IQSEC1: variants seen among roughly 807,000 people sequenced by gnomAD.
The protein encoded by IQSEC1 is IQ motif and SEC7 domain-containing protein 1.
Under a neutral mutation model 91.0 loss-of-function variants are expected in IQSEC1, and 31 were observed. That is an observed-to-expected ratio of 0.34 (90% CI 0.26 to 0.46). The LOEUF is 0.46. Among genes scored for constraint, IQSEC1 ranks in the 20% least tolerant of loss-of-function variants. The pLI is 1.00. For missense variants in IQSEC1, 1,388 were observed against 1,575.6 expected, an observed-to-expected ratio of 0.88 and a Z score of 2.02; for synonymous variants, 699 against 662.6, an observed-to-expected ratio of 1.05 and a Z score of -0.84.
At chr3:13,124,933 C>G (rs995031499) in intron 2 of IQSEC1, among the ~76,000 whole-genome samples, 17 of 152,206 alleles carry the variant, frequency 1.1e-4, no homozygotes, top group African/African-American at 3.9e-4. Context: ...TGCCACCATC[C>G]TGGCCTGGCC....
rs746154222 is a variant in IQSEC1, at chr3:12,920,608, G to A, written c.1854-12C>T. The A allele has an allele frequency of 2.5e-6, 4 of 1,613,408 alleles. No homozygotes were observed. Among genetic ancestry groups the A allele is most frequent in the Non-Finnish European group, 2.5e-6 (3 of 1,179,756 alleles). ...TGCAGTAGCGCTGGCTGCGGGCCGG[G>A]AGGGAGGGGGTCAGGGCCATGGCGC... On this transcript the variant is annotated splice_polypyrimidine_tract_variant and intron_variant, in intron 5 of 13. Coordinates refer to ENST00000613206, the MANE Select transcript of IQSEC1 (RefSeq NM_001134382.3).
chr3:12,923,846 A>T (rs1055554245), intron 4 of IQSEC1, among the ~76,000 whole-genome samples: 1 of 152,214 alleles, frequency 6.6e-6, no homozygotes, highest in South Asian at 2.1e-4. Context: ...CTGCCCCTGG[A>T]TGGCCAGCAC....
rs1693807705 is a variant in IQSEC1, at chr3:12,897,897, T to C, written c.*3086A>G. 1 of 152,260 alleles carries C rather than the reference T, an allele frequency of 6.6e-6. No individual in the cohort carries two copies. The highest frequency in any genetic ancestry group is 1.5e-5 in the Non-Finnish European group (1 of 68,040). 9.4% of individuals were successfully genotyped at this position (152,260 alleles called of 1,614,324 possible). On this transcript the variant is annotated 3_prime_UTR_variant, in exon 14 of 14. Coordinates refer to ENST00000613206, the MANE Select transcript of IQSEC1 (RefSeq NM_001134382.3). ...TGTGCACAGCATATTAGGATGAACT[T>C]TATTTTTACATTGTTGTACAATTCA...
upstream of IQSEC1, among the ~76,000 whole-genome samples, chr3:13,075,963 C>A (rs905315162): frequency 6.6e-6 from 1 of 152,212 alleles, no homozygotes; most frequent in African/African-American, 2.4e-5. Flanking sequence ...TGACCCCAAG[C>A]CCTCGACATC....
At chr3:13,204,285 G>A (rs1351042348) in intron 1 of IQSEC1, among the ~76,000 whole-genome samples, 1 of 152,268 alleles carries the variant, frequency 6.6e-6, no homozygotes, top group Non-Finnish European at 1.5e-5. Flanking sequence ...GCCAGGACGG[G>A]GGTGGATTCA....
intron 1 of IQSEC1, among the ~76,000 whole-genome samples, chr3:13,206,071 A>C (rs553002558): frequency 1.5e-5 from 2 of 135,150 alleles, no homozygotes; most frequent in African/African-American, 5.8e-5. Flanking sequence ...CCACCCATCT[A>C]TCTCTCCATC....
intron 2 of IQSEC1, among the ~76,000 whole-genome samples, chr3:13,113,191 G>T (rs1470531844): frequency 1.3e-5 from 2 of 152,194 alleles, no homozygotes; most frequent in Non-Finnish European, 2.9e-5. Flanking sequence ...CAGAGAGAGG[G>T]ATGTGAATCT....
Position 12,900,958 on chromosome 3 carries a change from A to T in IQSEC1, c.*25T>A. The T allele has an allele frequency of 6.5e-7, 1 of 1,540,796 alleles. No individual in the cohort carries two copies. Among genetic ancestry groups the T allele is most frequent in the Non-Finnish European group, 8.7e-7 (1 of 1,146,632 alleles). On this transcript the variant is annotated 3_prime_UTR_variant, in exon 14 of 14. Transcript: ENST00000613206. ...TGTGTGGTGTGCAGGTGTTTCAGGGAGCCTGGGACCCCTACCCAGGCTGTC... is the reference window on the plus strand; with the variant it reads ...TGTGTGGTGTGCAGGTGTTTCAGGGTGCCTGGGACCCCTACCCAGGCTGTC...
intron 1 of IQSEC1, among the ~76,000 whole-genome samples, chr3:12,953,620 CG>C (rs1559667644): frequency 6.6e-6 from 1 of 152,204 alleles, no homozygotes; most frequent in East Asian, 1.9e-4. Context: ...GATGGGCAGA[CG>C]GCACGAGGAG....
intron 1 of IQSEC1, among the ~76,000 whole-genome samples, chr3:13,013,216 C>A (rs925853982): frequency 6.6e-6 from 1 of 152,176 alleles, no homozygotes; most frequent in Non-Finnish European, 1.5e-5. Context: ...CCGCCTTGGC[C>A]TCCCAAGGTC....
intron 1 of IQSEC1, among the ~76,000 whole-genome samples, chr3:13,201,483 A>G (rs1026072664): frequency 2.0e-5 from 3 of 152,150 alleles, no homozygotes; most frequent in Non-Finnish European, 2.9e-5. Flanking sequence ...GTTGCATACC[A>G]CCAGGCCCAG....
chr3:13,017,640 C>T (rs1003193915), intron 1 of IQSEC1, among the ~76,000 whole-genome samples: 6 of 152,194 alleles, frequency 3.9e-5, no homozygotes, highest in African/African-American at 1.2e-4. Flanking sequence ...GGATAGTTAG[C>T]ACCTGGCACA....
chr3:13,000,823 T>G (rs1702389577), intron 1 of IQSEC1, among the ~76,000 whole-genome samples: 1 of 152,254 alleles, frequency 6.6e-6, no homozygotes, highest in Non-Finnish European at 1.5e-5. Context: ...CAGAGAGCAC[T>G]GTGCCAGATA....
rs533521441 is a variant in IQSEC1, at chr3:13,221,908, G to A, written c.273-57775C>T. 5.4e-4 allele frequency among the ~76,000 whole-genome samples: 82 copies of A among 152,316 alleles called. 1 individual carries two copies. In the South Asian group the frequency reaches 0.013, roughly 25 times the overall value. On this transcript the variant is annotated intron_variant, in intron 1 of 15. Coordinates refer to the IQSEC1 transcript ENST00000648114. Reference sequence around the variant, plus strand: ...AAAATGAGCCAGTTTCCTCAACCATGACCAGGCCCGCCTGGAGATGGTAGC... The same window carrying A: ...AAAATGAGCCAGTTTCCTCAACCATAACCAGGCCCGCCTGGAGATGGTAGC...
At chr3:13,032,458 G>A (rs146282446) in intron 1 of IQSEC1, among the ~76,000 whole-genome samples, 5,974 of 152,292 alleles carry the variant, frequency 0.039, 134 homozygotes, top group South Asian at 0.088. Context: ...GCCAGCCCAG[G>A]GCCAGCAACT....
intron 1 of IQSEC1, among the ~76,000 whole-genome samples, chr3:13,058,487 A>T (rs1358206444): frequency 1.3e-5 from 2 of 152,352 alleles, no homozygotes; most frequent in South Asian, 4.1e-4. Context: ...CACCTCACAC[A>T]GGAGCAAGCT....
chr3:13,074,060 C>G (rs1369234244), upstream of IQSEC1, among the ~76,000 whole-genome samples: 2 of 152,192 alleles, frequency 1.3e-5, no homozygotes, highest in African/African-American at 4.8e-5. Context: ...TATCTGCCCT[C>G]ATGATGTTTA....
At chr3:12,943,915 G>A (rs553992153) in intron 1 of IQSEC1, among the ~76,000 whole-genome samples, 11 of 152,358 alleles carry the variant, frequency 7.2e-5, no homozygotes, top group African/African-American at 2.6e-4. Flanking sequence ...ATTAGGACAT[G>A]ACTTCTGGCT....
chr3:13,266,581 C>CT (rs113470359), intron 1 of IQSEC1, among the ~76,000 whole-genome samples: 1,518 of 143,730 alleles, frequency 0.011, 33 homozygotes, highest in Admixed American at 0.059. Flanking sequence ...GAGGAAGCAG[C>CT]TTTTTTTTTT....
Sources: gnomAD v4.1 joint callset for allele counts (sites outside exome capture counted in the v4.1 genomes callset) on GRCh38, gnomAD v4.1.1 for gene constraint, MANE v1.5 for transcripts, NCBI Gene and HGNC (gene_info 2026-07-23, HGNC 2026-07-21) for gene names.